The following CYYR1 variants were observed in gnomAD, a reference collection of about 807,000 sequenced individuals.
The protein encoded by CYYR1 is cysteine and tyrosine rich 1, also known as cysteine and tyrosine-rich protein 1.
A neutral mutation model predicts 15.2 loss-of-function variants in CYYR1; 14 were observed. The observed-to-expected ratio is 0.92, with a 90% CI of 0.61 to 1.44. The LOEUF is 1.44. CYYR1 is among the 40% of genes most tolerant of loss of function. CYYR1 has a pLI of 0.00. For synonymous variants in CYYR1, 80 were observed against 77.4 expected (o/e 1.03, Z -0.18); for missense variants, 228 against 209.5 (o/e 1.09, Z -0.54).
intron 2 of CYYR1, among the ~76,000 whole-genome samples, chr21:26,533,816 A>C (rs1004475652): frequency 6.6e-6 from 1 of 152,176 alleles, no homozygotes; most frequent in Admixed American, 6.6e-5. Context: ...TGAGAGTGAA[A>C]AGATTATAAA....
intron 2 of CYYR1, among the ~76,000 whole-genome samples, chr21:26,519,914 T>C (rs1296586310): frequency 6.6e-6 from 1 of 151,944 alleles, no homozygotes; most frequent in Non-Finnish European, 1.5e-5. Flanking sequence ...CATTCTGTTA[T>C]AAAGATACAT....
chr21:26,551,077 A>C (rs1179146194), intron 2 of CYYR1: 2 of 152,688 alleles, frequency 1.3e-5, no homozygotes, highest in African/African-American at 2.4e-5. Context: ...AAGGATCCTT[A>C]AGAACTGTGC....
intron 2 of CYYR1, among the ~76,000 whole-genome samples, chr21:26,494,667 C>A: frequency 6.6e-6 from 1 of 151,762 alleles, no homozygotes; most frequent in Non-Finnish European, 1.5e-5. Flanking sequence ...GTAACAGTTT[C>A]AGAATATTCT....
At chr21:26,547,678 A>C (rs12482441) in intron 2 of CYYR1, among the ~76,000 whole-genome samples, 25,522 of 152,138 alleles carry the variant, frequency 0.17, 2,224 homozygotes, top group African/African-American at 0.2. Flanking sequence ...ATTTTCAACG[A>C]ACCTTCAGAG....
At chr21:26,572,769 A>C (rs1171531471) in intron 1 of CYYR1, 99 bp downstream of exon 1, 8 of 1,428,350 alleles carry the variant, frequency 5.6e-6, no homozygotes, top group Non-Finnish European at 5.7e-6. Context: ...GTCCTTCTGC[A>C]AAGGTCCCGG....
intron 2 of CYYR1, among the ~76,000 whole-genome samples, chr21:26,527,979 A>T (rs1248770770): frequency 2.0e-5 from 3 of 152,218 alleles, no homozygotes; most frequent in Non-Finnish European, 4.4e-5. Context: ...CTATAAATAA[A>T]GAGTAAAGGA....
intron 3 of CYYR1, among the ~76,000 whole-genome samples, chr21:26,477,341 C>G (rs889971652): frequency 6.6e-6 from 1 of 152,122 alleles, no homozygotes; most frequent in Admixed American, 6.6e-5. Context: ...GAGAAGTAAT[C>G]ATGCACATTA....
chr21:26,498,466 G>C (rs2065436577), intron 2 of CYYR1, among the ~76,000 whole-genome samples: 1 of 152,310 alleles, frequency 6.6e-6, no homozygotes, highest in Non-Finnish European at 1.5e-5. Flanking sequence ...TGTTTTAAGA[G>C]AGAAAAGTTC....
Position 26,468,378 on chromosome 21 carries a change from T to G in CYYR1, c.*123A>C. The G allele has an allele frequency of 1.3e-6, 1 of 760,068 alleles. No individual in the cohort carries two copies. The highest frequency in any genetic ancestry group is 2.4e-6 in the Non-Finnish European group (1 of 415,864). The allele number at this position is 760,068 out of a possible 1,614,324, so 47.1% of individuals were successfully genotyped here. A position where few individuals can be genotyped will look rare whatever the true frequency, so the allele number is the denominator to read the frequency against. ...TATCTCCTAGCAGGGATATTCCACC[T>G]GACACATTATCTGACCCCAAAAAGT... On this transcript the variant is annotated 3_prime_UTR_variant, in exon 4 of 4. Coordinates refer to ENST00000652641, the MANE Select transcript of CYYR1 (RefSeq NM_001320768.2).
At chr21:26,496,344 T>G (rs17002220) in intron 2 of CYYR1, among the ~76,000 whole-genome samples, 1 of 152,154 alleles carries the variant, frequency 6.6e-6, no homozygotes, top group Non-Finnish European at 1.5e-5. Context: ...GATTCAGATA[T>G]GTGGAACTGG....
At chr21:26,536,878 C>G (rs1178199443) in intron 2 of CYYR1, among the ~76,000 whole-genome samples, 1 of 152,098 alleles carries the variant, frequency 6.6e-6, no homozygotes, top group African/African-American at 2.4e-5. Flanking sequence ...TTTGCCTGTT[C>G]ACTGATTCAA....
chr21:26,479,544 C>A (rs1025141676), intron 3 of CYYR1, among the ~76,000 whole-genome samples: 1 of 152,108 alleles, frequency 6.6e-6, no homozygotes, highest in Non-Finnish European at 1.5e-5. Context: ...TCCTCTAATG[C>A]AAAATGCAGT....
At chr21:26,555,430 C>T (rs941682872) in intron 2 of CYYR1, among the ~76,000 whole-genome samples, 13 of 152,106 alleles carry the variant, frequency 8.5e-5, no homozygotes, top group African/African-American at 2.9e-4. Context: ...CAAAATGCAG[C>T]ATAGAGAGAT....
chr21:26,528,473 T>G (rs1015508539), intron 2 of CYYR1, among the ~76,000 whole-genome samples: 27 of 152,252 alleles, frequency 1.8e-4, no homozygotes, highest in African/African-American at 6.0e-4. Context: ...CTGCTCTCCC[T>G]CTTTTGCCCC....
chr21:26,510,394 G>GT (rs2065630771), intron 2 of CYYR1, among the ~76,000 whole-genome samples: 1 of 152,190 alleles, frequency 6.6e-6, no homozygotes. Flanking sequence ...AGCTGTTTAT[G>GT]TATCAGCACT....
intron 2 of CYYR1, among the ~76,000 whole-genome samples, chr21:26,555,448 T>C (rs1384824620): frequency 6.6e-6 from 1 of 152,216 alleles, no homozygotes; most frequent in Non-Finnish European, 1.5e-5. Context: ...GATATAGTTT[T>C]GCTTATGTTT....
At chr21:26,496,581 C>A (rs538224374) in intron 2 of CYYR1, among the ~76,000 whole-genome samples, 1 of 152,022 alleles carries the variant, frequency 6.6e-6, no homozygotes, top group South Asian at 2.1e-4. Context: ...AACTAGTAAA[C>A]CTTAACAAGA....
At chr21:26,544,325 C>T (rs550056226) in intron 2 of CYYR1, among the ~76,000 whole-genome samples, 3 of 152,184 alleles carry the variant, frequency 2.0e-5, no homozygotes, top group South Asian at 2.1e-4. Context: ...AAATGCAGAG[C>T]GCTTAGAAAA....
At chr21:26,567,206 T>C (rs1980694099) in intron 1 of CYYR1, among the ~76,000 whole-genome samples, 1 of 152,204 alleles carries the variant, frequency 6.6e-6, no homozygotes, top group Admixed American at 6.5e-5. Flanking sequence ...AGTTTGCATA[T>C]GTGTGGTAAC....
Sources: allele counts gnomAD v4.1 joint callset (sites outside exome capture counted in the v4.1 genomes callset), GRCh38; gene constraint gnomAD v4.1.1; transcripts MANE v1.5; gene names NCBI Gene and HGNC (gene_info 2026-07-23, HGNC 2026-07-21).